Variants in LONRF2 observed in about 807,000 individuals in gnomAD.
LONRF2 encodes the protein LON peptidase N-terminal domain and ring finger 2.
A neutral mutation model predicts 66.6 loss-of-function variants in LONRF2; 35 were observed. The ratio of observed to expected loss-of-function variants is 0.53; its 90% CI spans 0.40 to 0.70. The LOEUF is 0.70. LONRF2 is among the 30% of genes least tolerant of loss of function. LONRF2 has a pLI of 0.00. For synonymous variants in LONRF2, 417 were observed against 418.1 expected (o/e 1.00, Z 0.03); for missense variants, 902 against 1,002.1 (o/e 0.90, Z 1.35).
chr2:100,297,541 G>C (rs1000831228), intron 7 of LONRF2, among the ~76,000 whole-genome samples: 1 of 152,280 alleles, frequency 6.6e-6, no homozygotes, highest in African/African-American at 2.4e-5. Context: ...TTGTAAACAG[G>C]GCTCACACAT....
chr2:100,275,730 G>A lies in LONRF2; in HGVS notation c.*8568C>T, dbSNP rs1421855843. 2 of 152,126 alleles carry A rather than the reference G, an allele frequency of 1.3e-5. No individual in the cohort carries two copies. Among genetic ancestry groups the A allele is most frequent in the Non-Finnish European group, 2.9e-5 (2 of 68,040 alleles). 9.4% of individuals were successfully genotyped at this position (152,126 alleles called of 1,614,324 possible). On this transcript the variant is annotated 3_prime_UTR_variant, in exon 12 of 12. Coordinates refer to ENST00000393437, the MANE Select transcript of LONRF2 (RefSeq NM_198461.4). ...CTGCAGAAGCCCCTGAGCTACGTGA[G>A]CCTGTAACCACCCCCCACCAGTGTG... is the stretch of plus-strand genomic sequence containing the variant.
chr2:100,295,658 C>T, intron 7 of LONRF2, 105 bp from the exon 8 acceptor site: 1 of 1,186,002 alleles, frequency 8.4e-7, no homozygotes, highest in Non-Finnish European at 1.2e-6. Context: ...GATCTCTGAG[C>T]AGGTAAGAAG....
chr2:100,294,032 T>C (rs1003679359), intron 9 of LONRF2, among the ~76,000 whole-genome samples, 197 bp downstream of exon 9: 14 of 152,112 alleles, frequency 9.2e-5, no homozygotes, highest in Admixed American at 8.5e-4. Context: ...GTGGGTGTGA[T>C]ACTTGAAAGG....
chr2:100,289,716 G>A (rs571958131), intron 10 of LONRF2, among the ~76,000 whole-genome samples: 5 of 152,236 alleles, frequency 3.3e-5, no homozygotes, highest in East Asian at 1.9e-4. Flanking sequence ...GATTACAGGC[G>A]TGAGCCACCA....
At chr2:100,286,620 A>AT (rs1674850250) in intron 11 of LONRF2, among the ~76,000 whole-genome samples, 1 of 152,238 alleles carries the variant, frequency 6.6e-6, no homozygotes, top group Non-Finnish European at 1.5e-5. Flanking sequence ...TACTACTTAA[A>AT]TTTTAAGATG....
intron 2 of LONRF2, among the ~76,000 whole-genome samples, chr2:100,304,419 T>A (rs145409402): frequency 1.3e-5 from 2 of 151,486 alleles, no homozygotes; most frequent in Non-Finnish European, 2.9e-5. Context: ...TGGGCATACA[T>A]GCATGAACCA....
chr2:100,273,720 A>G lies in LONRF2; in HGVS notation c.*10578T>C, dbSNP rs930049857. 2 of 152,246 alleles carry G rather than the reference A, an allele frequency of 1.3e-5. 1 individual carries two copies. Among genetic ancestry groups the G allele is most frequent in the South Asian group, 4.1e-4 (2 of 4,834 alleles). The allele number at this position is 152,246 out of a possible 1,614,324, so 9.4% of individuals were successfully genotyped here. On this transcript the variant is annotated 3_prime_UTR_variant, in exon 12 of 12. Coordinates refer to ENST00000393437, the MANE Select transcript of LONRF2 (RefSeq NM_198461.4). Reference sequence around the variant, plus strand: ...AAGAAAAAGCATGATTATTAAGTTTATCTACACCAGCTTATTTATTCAAAT... The same window carrying G: ...AAGAAAAAGCATGATTATTAAGTTTGTCTACACCAGCTTATTTATTCAAAT...
chr2:100,319,895 C>G (rs73968812), intron 1 of LONRF2, among the ~76,000 whole-genome samples: 1 of 152,118 alleles, frequency 6.6e-6, no homozygotes, highest in Non-Finnish European at 1.5e-5. Flanking sequence ...TCTGTAGATA[C>G]TACCAAATAT....
intron 3 of LONRF2, among the ~76,000 whole-genome samples, chr2:100,301,392 C>T (rs1324568084): frequency 6.6e-6 from 1 of 152,200 alleles, no homozygotes; most frequent in African/African-American, 2.4e-5. Context: ...TCAGCTGCAT[C>T]CAAGGCTTGA....
At chr2:100,294,532 C>A in intron 8 of LONRF2, 145 bp from the exon 9 acceptor site, 1 of 641,600 alleles carries the variant, frequency 1.6e-6, no homozygotes, top group Admixed American at 3.9e-5. Context: ...ACAAGAAAGC[C>A]AAGGACCATA....
intron 7 of LONRF2, among the ~76,000 whole-genome samples, chr2:100,298,140 A>C (rs1675109974): frequency 6.6e-6 from 1 of 152,242 alleles, no homozygotes; most frequent in Admixed American, 6.5e-5. Flanking sequence ...CTCCATAGAA[A>C]GTTCATGGCA....
intron 3 of LONRF2, 123 bp downstream of exon 3, chr2:100,302,797 AT>A: frequency 5.2e-6 from 5 of 958,930 alleles, no homozygotes; most frequent in Non-Finnish European, 7.1e-6. Context: ...TGCGTTTTTT[AT>A]TGCATTATCA....
rs1407731394 is a variant in LONRF2, at chr2:100,274,203, T to C, written c.*10095A>G. Reference sequence around the variant, plus strand: ...TCTCTATTATGATCAGGGCCAATCCTTCACCTCGAGGGCTGTCGTAGTACC... The same window carrying C: ...TCTCTATTATGATCAGGGCCAATCCCTCACCTCGAGGGCTGTCGTAGTACC... On this transcript the variant is annotated 3_prime_UTR_variant, in exon 12 of 12. Transcript: ENST00000393437. The C allele has an allele frequency of 6.6e-6, 1 of 151,982 alleles. No homozygotes were observed. The highest frequency in any genetic ancestry group is 1.5e-5 in the Non-Finnish European group (1 of 67,990). 9.4% of individuals were successfully genotyped at this position (151,982 alleles called of 1,614,324 possible).
At chr2:100,308,751 G>T (rs1434948240) in intron 2 of LONRF2, among the ~76,000 whole-genome samples, 1 of 152,070 alleles carries the variant, frequency 6.6e-6, no homozygotes, top group Non-Finnish European at 1.5e-5. Context: ...AGCTAATCAT[G>T]ATCATTATGT....
At chr2:100,286,878 A>G in intron 11 of LONRF2, 36 bp downstream of exon 11, 2 of 1,602,198 alleles carry the variant, frequency 1.2e-6, no homozygotes, top group South Asian at 2.3e-5. Context: ...TACAGCAGGA[A>G]GTAACAGAAT....
At chr2:100,313,680 G>A (rs867567069) in intron 1 of LONRF2, among the ~76,000 whole-genome samples, 11 of 152,022 alleles carry the variant, frequency 7.2e-5, no homozygotes, top group South Asian at 6.2e-4. Context: ...ATGTGTACCC[G>A]TGCCATCATC....
chr2:100,291,646 C>T (rs909693992), intron 9 of LONRF2, among the ~76,000 whole-genome samples: 1 of 152,124 alleles, frequency 6.6e-6, no homozygotes, highest in African/African-American at 2.4e-5. Context: ...GTCTGACCTC[C>T]CTAAGGCACG....
At position 100,273,949 on chromosome 2, in the gene LONRF2, G is replaced by C. The variant is rs1348275666; in HGVS notation, c.*10349C>G. The C allele has an allele frequency of 6.6e-6, 1 of 152,152 alleles. No homozygotes were observed. Among genetic ancestry groups the C allele is most frequent in the African/African-American group, 2.4e-5 (1 of 41,438 alleles). 9.4% of individuals were successfully genotyped at this position (152,152 alleles called of 1,614,324 possible). A position where few individuals can be genotyped will look rare whatever the true frequency, so the allele number is the denominator to read the frequency against. On this transcript the variant is annotated 3_prime_UTR_variant, in exon 12 of 12. Coordinates refer to ENST00000393437, the MANE Select transcript of LONRF2 (RefSeq NM_198461.4). ...TGGGAAATTGTGTGTGGGGTAAACA[G>C]CATGAGAGAGAAGTCGGTCACTGGT...
rs1369084457 is a variant in LONRF2, at chr2:100,293,279, T to C, written c.1757+950A>G. The stretch of plus-strand genomic sequence containing the variant: ...CAGAACTTCTTATCTTTCAATAAAA[T>C]TTCAGAATTTTCTCCATAAAGGTCC... On this transcript the variant is annotated intron_variant, in intron 9 of 11. Coordinates refer to ENST00000393437, the MANE Select transcript of LONRF2 (RefSeq NM_198461.4). 2.0e-5 allele frequency among the ~76,000 whole-genome samples: 3 copies of C among 152,280 alleles called. No homozygotes were observed. In the East Asian group the frequency reaches 5.8e-4, roughly 29 times the overall value.
Sources: gnomAD v4.1 joint callset for allele counts (sites outside exome capture counted in the v4.1 genomes callset) on GRCh38, gnomAD v4.1.1 for gene constraint, MANE v1.5 for transcripts, NCBI Gene and HGNC (gene_info 2026-07-23, HGNC 2026-07-21) for gene names.